Variants in FBXL2 observed in about 807,000 individuals in gnomAD.
The protein encoded by FBXL2 is F-box and leucine rich repeat protein 2.
Under a neutral mutation model 69.2 loss-of-function variants are expected in FBXL2, and 38 were observed. The observed-to-expected ratio is 0.55, with a 90% CI of 0.42 to 0.72. The LOEUF (loss-of-function observed/expected upper bound fraction) is 0.72. FBXL2 is among the 30% of genes least tolerant of loss of function. FBXL2 has a pLI of 0.00. For synonymous variants in FBXL2, 192 were observed against 201.3 expected (o/e 0.95, Z 0.39); for missense variants, 354 against 520.3 (o/e 0.68, Z 3.11).
At chr3:33,409,386 G>A in the FBXL2 span, 1 of 1,613,886 alleles carries the variant, frequency 6.2e-7, no homozygotes, top group Non-Finnish European at 8.5e-7. Flanking sequence ...TCAGGCTGCA[G>A]ACACACAGCT....
intron 2 of FBXL2, among the ~76,000 whole-genome samples, chr3:33,329,157 G>A (rs2038957433): frequency 6.6e-6 from 1 of 152,164 alleles, no homozygotes; most frequent in South Asian, 2.1e-4. Context: ...ACAGGTATAT[G>A]AAAAAATGTT....
At chr3:33,407,815 C>T (rs188641022), downstream of FBXL2, among the ~76,000 whole-genome samples, 10 of 152,258 alleles carry the variant, frequency 6.6e-5, no homozygotes, top group East Asian at 1.9e-4. Context: ...ACAGCAGTCA[C>T]GAATACATAT....
At chr3:33,409,290 T>C in the FBXL2 span, 1 of 1,614,222 alleles carries the variant, frequency 6.2e-7, no homozygotes. Flanking sequence ...TTTCATGAGC[T>C]GTTCTCTTCT....
chr3:33,405,158 C>G (rs909357553), downstream of FBXL2, among the ~76,000 whole-genome samples: 2 of 151,362 alleles, frequency 1.3e-5, no homozygotes, highest in Non-Finnish European at 2.9e-5. Flanking sequence ...TCATTTGAAG[C>G]CTCAGGAATA....
chr3:33,355,726 C>T (rs1243713904), intron 2 of FBXL2, among the ~76,000 whole-genome samples: 2 of 152,202 alleles, frequency 1.3e-5, no homozygotes, highest in East Asian at 3.8e-4. Flanking sequence ...GCAGTGCTTG[C>T]CTTGTAAAGC....
intron 5 of FBXL2, among the ~76,000 whole-genome samples, chr3:33,370,534 C>G (rs1228678933): frequency 6.6e-6 from 1 of 152,056 alleles, no homozygotes; most frequent in East Asian, 1.9e-4. Flanking sequence ...GATAAATCTG[C>G]TGTCACCCTT....
intron 2 of FBXL2, chr3:33,303,063 G>A (rs758719337): frequency 2.8e-5 from 13 of 456,534 alleles, no homozygotes; most frequent in Middle Eastern, 6.5e-4. Flanking sequence ...TTGCCTGCTG[G>A]TTGGTTTCAG....
Position 33,384,057 on chromosome 3 carries a change from T to C in FBXL2, c.1020T>C (p.His340=), listed in dbSNP as rs766849396. Residue 340 remains histidine, a synonymous_variant, in exon 14 of 15, where the codon CAT becomes CAC. Coordinates refer to ENST00000484457, the MANE Select transcript of FBXL2 (RefSeq NM_012157.5). The part of the protein sequence containing the change: ...ILHLSNSTCG[H]ERLRVLELDN... ...ACCTGAGCAACAGTACCTGTGGCCATGAGAGGCTGCGGGTACTGGAGTTGG... is the reference window on the plus strand; with the variant it reads ...ACCTGAGCAACAGTACCTGTGGCCACGAGAGGCTGCGGGTACTGGAGTTGG... 36 of 1,608,018 alleles carry C rather than the reference T, an allele frequency of 2.2e-5. No homozygotes were observed. Among genetic ancestry groups the C allele is most frequent in the Non-Finnish European group, 2.8e-5 (33 of 1,174,698 alleles).
chr3:33,289,802 G>A, intron 1 of FBXL2: 1 of 985,320 alleles, frequency 1.0e-6, no homozygotes, highest in African/African-American at 1.7e-5. Context: ...TGAGGTGGGT[G>A]GATTCTGCTG....
intron 2 of FBXL2, among the ~76,000 whole-genome samples, chr3:33,341,901 A>G (rs1288769782): frequency 6.8e-6 from 1 of 146,948 alleles, no homozygotes; most frequent in East Asian, 2.0e-4. Context: ...ACAAAGTTCT[A>G]TTTCTTGACC....
Position 33,316,781 on chromosome 3 carries a change from G to A in FBXL2, c.65+19056G>A, listed in dbSNP as rs540560757. ...GCAGTCAAATGCATTACTTATTGAAGTATAATTTACAGACAATAAAATATG... is the reference window on the plus strand; with the variant it reads ...GCAGTCAAATGCATTACTTATTGAAATATAATTTACAGACAATAAAATATG... On this transcript the variant is annotated intron_variant, in intron 2 of 14. Transcript: ENST00000484457. 9.6e-4 allele frequency among the ~76,000 whole-genome samples: 146 copies of A among 152,228 alleles called. 1 individual carries two copies. The Middle Eastern group carries it at 0.037, about 39-fold the overall frequency.
At chr3:33,284,053 G>T (rs1430902314) in intron 1 of FBXL2, among the ~76,000 whole-genome samples, 4 of 152,074 alleles carry the variant, frequency 2.6e-5, no homozygotes, top group Admixed American at 6.6e-5. Flanking sequence ...ATCTCCTTCA[G>T]TTCTGCTCTG....
chr3:33,339,089 CAAAA>C (rs1039773985), intron 2 of FBXL2, among the ~76,000 whole-genome samples: 3 of 151,856 alleles, frequency 2.0e-5, no homozygotes, highest in Non-Finnish European at 2.9e-5. Flanking sequence ...AACAAACAAA[CAAAA>C]AAACCCTTTT....
intron 2 of FBXL2, among the ~76,000 whole-genome samples, chr3:33,306,490 C>T (rs1273850353): frequency 6.6e-6 from 1 of 152,074 alleles, no homozygotes; most frequent in African/African-American, 2.4e-5. Flanking sequence ...TATGTGCATC[C>T]TTAGACATTA....
intron 2 of FBXL2, among the ~76,000 whole-genome samples, chr3:33,330,919 A>G (rs2039105961): frequency 8.1e-6 from 1 of 124,192 alleles, no homozygotes; most frequent in African/African-American, 3.0e-5. Flanking sequence ...ACACAAACAC[A>G]CACACACACA....
the FBXL2 span, among the ~76,000 whole-genome samples, chr3:33,410,829 TAGG>T: frequency 6.6e-6 from 1 of 152,044 alleles, no homozygotes; most frequent in African/African-American, 2.4e-5. Flanking sequence ...CCCAGCACTT[TAGG>T]AGGACAAGGC....
chr3:33,304,305 T>G (rs2036533460), intron 2 of FBXL2, among the ~76,000 whole-genome samples: 1 of 152,126 alleles, frequency 6.6e-6, no homozygotes. Flanking sequence ...TATCAACAAC[T>G]TTGTATTTAT....
At chr3:33,355,737 T>C (rs1219237907) in intron 2 of FBXL2, among the ~76,000 whole-genome samples, 2 of 152,242 alleles carry the variant, frequency 1.3e-5, no homozygotes, top group African/African-American at 4.8e-5. Flanking sequence ...CTTGTAAAGC[T>C]GAGGCTATCA....
chr3:33,418,860 CAAA>C, the FBXL2 span, among the ~76,000 whole-genome samples: 36 of 76,744 alleles, frequency 4.7e-4, no homozygotes, highest in African/African-American at 1.2e-3. Flanking sequence ...ACTCTGTCTC[CAAA>C]AAAAAAAAAA....
Sources: allele counts gnomAD v4.1 joint callset (sites outside exome capture counted in the v4.1 genomes callset), GRCh38; gene constraint gnomAD v4.1.1; transcripts MANE v1.5; gene names NCBI Gene and HGNC (gene_info 2026-07-23, HGNC 2026-07-21).